The following LINGO2 variants were observed in gnomAD, a reference collection of about 807,000 sequenced individuals.
LINGO2 encodes leucine rich repeat and Ig domain containing 2.
LINGO2 carries 14 observed loss-of-function variants against 30.6 expected under a neutral mutation model. The ratio of observed to expected loss-of-function variants is 0.46; its 90% CI spans 0.30 to 0.72. LINGO2 has a LOEUF of 0.72. Ranked by LOEUF, LINGO2 falls within the 30% of genes least tolerant of loss-of-function variation. LINGO2 has a pLI of 0.07. For missense variants in LINGO2, 729 were observed against 751.7 expected (o/e 0.97, Z 0.35); for synonymous variants, 317 against 288.5 (o/e 1.10, Z -1.00).
chr9:29,030,241 T>A, the LINGO2 span, among the ~76,000 whole-genome samples: 13 of 151,924 alleles, frequency 8.6e-5, no homozygotes, highest in Middle Eastern at 3.4e-3. Flanking sequence ...TCAGAAAAAA[T>A]TTCTGAATGT....
chr9:28,477,399 A>G (rs948275417), intron 1 of LINGO2, among the ~76,000 whole-genome samples: 3 of 152,160 alleles, frequency 2.0e-5, no homozygotes, highest in African/African-American at 7.2e-5. Context: ...AGCTAGTAAA[A>G]AAAACAGGGT....
chr9:28,712,486 T>A, the LINGO2 span, among the ~76,000 whole-genome samples: 1 of 151,194 alleles, frequency 6.6e-6, no homozygotes, highest in Non-Finnish European at 1.5e-5. Flanking sequence ...AAGCTCTGAA[T>A]CTAGAATGCC....
the LINGO2 span, among the ~76,000 whole-genome samples, chr9:28,814,787 T>G: frequency 3.1e-4 from 47 of 149,512 alleles, no homozygotes; most frequent in African/African-American, 1.1e-3. Flanking sequence ...ACTCTCTCCC[T>G]CTCTCTCTCA....
At chr9:29,164,794 T>C in the LINGO2 span, among the ~76,000 whole-genome samples, 1 of 152,088 alleles carries the variant, frequency 6.6e-6, no homozygotes, top group Non-Finnish European at 1.5e-5. Context: ...AGTATAAGAA[T>C]TGAATGAAAT....
chr9:28,103,163 A>T (rs1024725943), intron 4 of LINGO2, among the ~76,000 whole-genome samples: 1 of 152,200 alleles, frequency 6.6e-6, no homozygotes, highest in African/African-American at 2.4e-5. Flanking sequence ...AAAGGTAAAC[A>T]TATGTAACCT....
intron 1 of LINGO2, among the ~76,000 whole-genome samples, chr9:28,609,135 T>C (rs947579600): frequency 2.0e-5 from 3 of 150,412 alleles, no homozygotes; most frequent in African/African-American, 7.3e-5. Context: ...GAAAATCCAG[T>C]ATGGATTAAT....
At chr9:28,320,579 A>C (rs201699145) in intron 3 of LINGO2, among the ~76,000 whole-genome samples, 10 of 152,260 alleles carry the variant, frequency 6.6e-5, no homozygotes, top group Admixed American at 6.5e-4. Flanking sequence ...TCACTTAGGC[A>C]ATATGTTCTA....
At chr9:28,852,873 A>G in the LINGO2 span, among the ~76,000 whole-genome samples, 3 of 152,194 alleles carry the variant, frequency 2.0e-5, no homozygotes, top group Admixed American at 2.0e-4. Context: ...GTAAAATTTC[A>G]GTAAGCCTAT....
chr9:28,768,119 A>G, the LINGO2 span, among the ~76,000 whole-genome samples: 1 of 152,198 alleles, frequency 6.6e-6, no homozygotes, highest in South Asian at 2.1e-4. Context: ...TAAAAGAGTG[A>G]CTATCCCTTA....
rs57773955 is a variant in LINGO2 at position 28,513,084 on chromosome 9, TACAC to T, written c.-364-37063_-364-37060del. ...AGTTGATGCTCAGTATTAACCATCATACACACACACACACACACACACACACACA... is the reference window on the plus strand; with the variant it reads ...AGTTGATGCTCAGTATTAACCATCATACACACACACACACACACACACACA... On this transcript the variant is annotated intron_variant, in intron 1 of 5. Transcript: ENST00000379992. Among the ~76,000 whole-genome samples, 893 of 146,740 alleles carry T rather than the reference TACAC, an allele frequency of 6.1e-3. 3 individuals carry two copies. The highest frequency in any genetic ancestry group is 0.011 in the African/African-American group (446 of 39,086).
At chr9:28,044,738 G>T (rs909818148) in intron 4 of LINGO2, among the ~76,000 whole-genome samples, 1 of 151,124 alleles carries the variant, frequency 6.6e-6, no homozygotes, top group Non-Finnish European at 1.5e-5. Flanking sequence ...AACTGGAAGG[G>T]AAGAGAGTTA....
At chr9:27,984,802 T>C (rs1821045958) in intron 5 of LINGO2, among the ~76,000 whole-genome samples, 1 of 151,898 alleles carries the variant, frequency 6.6e-6, no homozygotes, top group South Asian at 2.1e-4. Context: ...AAAAAATCTT[T>C]ATAACACCCT....
chr9:28,558,936 G>C (rs1052167712), intron 1 of LINGO2, among the ~76,000 whole-genome samples: 3 of 151,934 alleles, frequency 2.0e-5, no homozygotes, highest in Admixed American at 6.6e-5. Flanking sequence ...AGGAAACCAT[G>C]CCCCAAATAA....
At chr9:28,784,227 C>T in the LINGO2 span, among the ~76,000 whole-genome samples, 3 of 152,136 alleles carry the variant, frequency 2.0e-5, no homozygotes, top group South Asian at 6.2e-4. Flanking sequence ...TTTGTTAATT[C>T]ATACAAATTT....
chr9:29,106,655 T>C, the LINGO2 span, among the ~76,000 whole-genome samples: 2 of 152,162 alleles, frequency 1.3e-5, no homozygotes, highest in African/African-American at 4.8e-5. Flanking sequence ...TTATTATACT[T>C]CTTATACTCT....
the LINGO2 span, among the ~76,000 whole-genome samples, chr9:28,813,844 A>G: frequency 1.3e-5 from 2 of 152,324 alleles, no homozygotes; most frequent in East Asian, 3.9e-4. Context: ...GGTTAGTGAG[A>G]TAGTTTCCTT....
At chr9:28,267,498 C>T (rs1822793924) in intron 4 of LINGO2, among the ~76,000 whole-genome samples, 1 of 151,960 alleles carries the variant, frequency 6.6e-6, no homozygotes, top group Admixed American at 6.6e-5. Context: ...TAACATTCCT[C>T]CTGTACTTTC....
the LINGO2 span, among the ~76,000 whole-genome samples, chr9:28,751,544 C>T: frequency 3.9e-5 from 6 of 151,926 alleles, no homozygotes; most frequent in Non-Finnish European, 8.8e-5. Flanking sequence ...TTTAATATCT[C>T]TTGGCATATT....
At chr9:28,739,993 A>C in the LINGO2 span, among the ~76,000 whole-genome samples, 1 of 150,922 alleles carries the variant, frequency 6.6e-6, no homozygotes, top group East Asian at 1.9e-4. Context: ...TCCCAGAATA[A>C]ATTATTTTAC....
Sources: allele counts gnomAD v4.1 joint callset (sites outside exome capture counted in the v4.1 genomes callset), GRCh38; gene constraint gnomAD v4.1.1; transcripts MANE v1.5; gene names NCBI Gene and HGNC (gene_info 2026-07-23, HGNC 2026-07-21).